The following KLC1 variants were observed in gnomAD, a reference collection of about 807,000 sequenced individuals.
The protein encoded by KLC1 is kinesin 2 60/70kDa.
A neutral mutation model predicts 84.2 loss-of-function variants in KLC1; 30 were observed. The ratio of observed to expected loss-of-function variants is 0.36; its 90% CI spans 0.27 to 0.48. KLC1 has a LOEUF of 0.48. Ranked by LOEUF, KLC1 falls within the 20% of genes least tolerant of loss-of-function variation. KLC1 has a pLI of 0.99. For missense variants in KLC1, 499 were observed against 805.4 expected (o/e 0.62, Z 4.60); for synonymous variants, 289 against 293.3 (o/e 0.99, Z 0.15).
intron 1 of KLC1, among the ~76,000 whole-genome samples, chr14:103,647,032 C>T (rs190914327): frequency 4.3e-4 from 66 of 152,182 alleles, no homozygotes; most frequent in African/African-American, 1.6e-3. Flanking sequence ...GTAGAACTTT[C>T]GTTGTAGTCT....
intron 5 of KLC1, among the ~76,000 whole-genome samples, chr14:103,669,280 C>G (rs2080169661): frequency 6.6e-6 from 1 of 151,422 alleles, no homozygotes; most frequent in Non-Finnish European, 1.5e-5. Context: ...ACTAAAAATA[C>G]AAAAATTAGC....
chr14:103,682,786 T>A (rs2081476721), intron 13 of KLC1: 1 of 85,562 alleles, frequency 1.2e-5, no homozygotes, highest in African/African-American at 4.1e-5. Context: ...GTATATGTAT[T>A]TTTTTTTTTT....
At chr14:103,685,469 A>G in intron 13 of KLC1, 1 of 1,239,020 alleles carries the variant, frequency 8.1e-7, no homozygotes, top group Non-Finnish European at 1.0e-6. Context: ...CACCTGCTTT[A>G]TGCTGGACTG....
rs531370592 is a variant in KLC1 at position 103,695,261 on chromosome 14, G to A, written c.1848+2836G>A. ...GGAGGATCACTTGAGCCCAGTTCAAGAACAGCTTGGGCAACACAGCGAGTC... is the reference window on the plus strand; with the variant it reads ...GGAGGATCACTTGAGCCCAGTTCAAAAACAGCTTGGGCAACACAGCGAGTC... On this transcript the variant is annotated intron_variant, in intron 15 of 16. Transcript: ENST00000334553. 13 of 671,250 alleles carry A rather than the reference G, an allele frequency of 1.9e-5. No individual in the cohort carries two copies. The African/African-American group carries it at 2.4e-4, about 12-fold the overall frequency. The allele number at this position is 671,250 out of a possible 1,614,324, so 41.6% of individuals were successfully genotyped here.
chr14:103,640,550 T>C (rs897978410), intron 1 of KLC1, among the ~76,000 whole-genome samples: 2 of 151,718 alleles, frequency 1.3e-5, no homozygotes, highest in Admixed American at 6.6e-5. Flanking sequence ...TTGGTAGAGA[T>C]GGGGTTTCAC....
chr14:103,696,746 A>C (rs1473627986), intron 15 of KLC1: 7 of 985,328 alleles, frequency 7.1e-6, no homozygotes, highest in East Asian at 1.1e-4. Context: ...AAGCGGTTTT[A>C]GTGTTTTATA....
chr14:103,699,137 G>T, intron 15 of KLC1: 1 of 1,573,278 alleles, frequency 6.4e-7, no homozygotes, highest in Non-Finnish European at 8.6e-7. Context: ...ACTCACCCCA[G>T]CGGCCCGTGT....
In KLC1 at chr14:103,701,513, C is replaced by T. The variant is rs1485265973; in HGVS notation, c.*314C>T. On this transcript the variant is annotated 3_prime_UTR_variant, in exon 17 of 17. Transcript: ENST00000334553. ...GTGTGCGATAACGTATTTTATTGTA[C>T]ATTTTTTTAAATTAAAAGTTTATAT... 1.9e-5 allele frequency: 7 copies of T among 372,984 alleles called. No individual in the cohort carries two copies. The highest frequency in any genetic ancestry group is 3.4e-5 in the Non-Finnish European group (7 of 207,848). The allele number at this position is 372,984 out of a possible 1,614,324, so 23.1% of individuals were successfully genotyped here. A position where few individuals can be genotyped will look rare whatever the true frequency, so the allele number is the denominator to read the frequency against.
rs1272600076 is a variant in KLC1, at chr14:103,677,537, C to G, written c.1488+14C>G. On this transcript the variant is annotated intron_variant, in intron 12 of 16. Coordinates refer to ENST00000334553, the MANE Select transcript of KLC1 (RefSeq NM_001394837.1). ...TCTCGTAAACAGGTTAGTCATACTT[C>G]TGTCCTTAACCGGCCCATGGGAACT... 6.6e-7 allele frequency: 1 copy of G among 1,507,950 alleles called. No individual in the cohort carries two copies. The highest frequency in any genetic ancestry group is 1.7e-5 in the Admixed American group (1 of 59,310). 93.4% of individuals were successfully genotyped at this position (1,507,950 alleles called of 1,614,324 possible).
chr14:103,634,170 A>G (rs544744851), intron 1 of KLC1, among the ~76,000 whole-genome samples: 1 of 152,272 alleles, frequency 6.6e-6, no homozygotes, highest in Non-Finnish European at 1.5e-5. Flanking sequence ...TGCCTGGCCA[A>G]TACTGTATTA....
At position 103,685,284 on chromosome 14, in the gene KLC1, A is replaced by G. The variant is rs2081694679; in HGVS notation, c.1651-1797A>G. ...ACCTGTAGCCTTTATTTTGGTCCCT[A>G]TGTTTTTCATTGCATAATCTCCTTA... On this transcript the variant is annotated intron_variant, in intron 13 of 16. Coordinates refer to ENST00000334553, the MANE Select transcript of KLC1 (RefSeq NM_001394837.1). The G allele has an allele frequency of 2.2e-6, 3 of 1,352,166 alleles. No individual in the cohort carries two copies. The African/African-American group carries it at 4.4e-5, about 20-fold the overall frequency. 83.8% of individuals were successfully genotyped at this position (1,352,166 alleles called of 1,614,324 possible).
At chr14:103,669,479 C>G in intron 5 of KLC1, 32 bp from the exon 6 acceptor site, 3 of 1,217,618 alleles carry the variant, frequency 2.5e-6, no homozygotes, top group Non-Finnish European at 3.6e-6. Flanking sequence ...TGATCTACAT[C>G]TGAAACACTT....
At chr14:103,680,196 C>T (rs1043206460) in intron 13 of KLC1, among the ~76,000 whole-genome samples, 5 of 152,124 alleles carry the variant, frequency 3.3e-5, no homozygotes, top group Admixed American at 6.5e-5. Context: ...TTCCTAACCA[C>T]TGCTGTTTAT....
intron 12 of KLC1, among the ~76,000 whole-genome samples, chr14:103,678,523 A>G (rs2081105220): frequency 6.6e-6 from 1 of 151,806 alleles, no homozygotes; most frequent in Admixed American, 6.6e-5. Context: ...TGTCTCTACA[A>G]AAGTTTTTTT....
In KLC1 at chr14:103,694,428, C is replaced by G. The variant is rs903230574; in HGVS notation, c.1848+2003C>G. ...CAGGCGGATCACAAGGTCAGGAGAT[C>G]GAGACCATCCTGGCTAACATGGCGT... On this transcript the variant is annotated intron_variant, in intron 15 of 16. Coordinates refer to ENST00000334553, the MANE Select transcript of KLC1 (RefSeq NM_001394837.1). This position sits in a 1 kb window ranked among gnomAD's most constrained non-coding sequence, Gnocchi z 4.5. The G allele has an allele frequency of 4.1e-6, 4 of 983,614 alleles. No homozygotes were observed. The highest frequency in any genetic ancestry group is 4.8e-6 in the Non-Finnish European group (4 of 828,372). The allele number at this position is 983,614 out of a possible 1,614,324, so 60.9% of individuals were successfully genotyped here.
intron 14 of KLC1, among the ~76,000 whole-genome samples, chr14:103,688,363 C>G (rs959126931): frequency 6.6e-6 from 1 of 152,162 alleles, no homozygotes; most frequent in Non-Finnish European, 1.5e-5. Flanking sequence ...GTTAGCCAGG[C>G]TGGTCTCGAA....
At chr14:103,663,781 G>A (rs1567023329) in intron 5 of KLC1, among the ~76,000 whole-genome samples, 2 of 152,152 alleles carry the variant, frequency 1.3e-5, no homozygotes, top group Non-Finnish European at 2.9e-5. Context: ...GCCGGAGGCA[G>A]GGTGTCCTGT....
Position 103,662,712 on chromosome 14 carries a change from G to C in KLC1, c.582G>C (p.Gln194His), listed in dbSNP as rs890473108. 2 of 1,592,508 alleles carry C rather than the reference G, an allele frequency of 1.3e-6. No homozygotes were observed. The highest frequency in any genetic ancestry group is 2.7e-5 in the African/African-American group (2 of 73,748). ...ACTTTCTCGGTGCAGTCCAGCAGCA[G>C]CACAGCAGTGCAGCCGCGGCTGCCC... ...EDDPGQGIQQQHSSAAAAAQQ... is the reference protein window; with the variant it reads ...EDDPGQGIQQHHSSAAAAAQQ... Residue 194 changes from glutamine to histidine, a missense_variant, in exon 5 of 17, where the codon CAG (glutamine) becomes CAC (histidine). By Grantham distance (24) the Gln-to-His change is conservative. Around this residue, in one of 3 missense-constraint regions of KLC1, gnomAD observed 179 missense variants for 264.2 expected, o/e 0.68. Transcript: ENST00000334553.
At chr14:103,637,688 C>CT (rs1328499967) in intron 1 of KLC1, among the ~76,000 whole-genome samples, 1 of 152,024 alleles carries the variant, frequency 6.6e-6, no homozygotes, top group African/African-American at 2.4e-5. Context: ...TTAATGTTTT[C>CT]TTTTTAAAAA....
Sources: gnomAD v4.1 joint callset for allele counts (sites outside exome capture counted in the v4.1 genomes callset) on GRCh38, gnomAD v4.1.1 for gene constraint, gnomAD v4.1.1 regional missense constraint, Gnocchi (gnomAD v3.1) non-coding constraint, MANE v1.5 for transcripts, NCBI Gene and HGNC (gene_info 2026-07-23, HGNC 2026-07-21) for gene names.